ODF2: variants seen among roughly 807,000 people sequenced by gnomAD.
ODF2 encodes the protein outer dense fiber of sperm tails 2.
Under a neutral mutation model 110.2 loss-of-function variants are expected in ODF2, and 47 were observed. That is an observed-to-expected ratio of 0.43 (90% CI 0.34 to 0.54). The LOEUF (loss-of-function observed/expected upper bound fraction) is 0.54. Ranked by LOEUF, ODF2 falls within the 20% of genes least tolerant of loss-of-function variation. The pLI, the probability that ODF2 is intolerant of heterozygous loss-of-function variation, is 0.03. For synonymous variants in ODF2, 352 were observed against 397.7 expected, an observed-to-expected ratio of 0.89 and a Z score of 1.37; for missense variants, 812 against 1,054.5, an observed-to-expected ratio of 0.77 and a Z score of 3.19.
At chr9:128,470,693 C>T (rs1839773472) in intron 5 of ODF2, among the ~76,000 whole-genome samples, 1 of 151,936 alleles carries the variant, frequency 6.6e-6, no homozygotes, top group Admixed American at 6.6e-5. Context: ...GACATCTCTC[C>T]TCCTATGGTG....
chr9:128,491,796 C>G (rs192724273), intron 14 of ODF2, among the ~76,000 whole-genome samples: 12 of 151,756 alleles, frequency 7.9e-5, no homozygotes, highest in Admixed American at 7.9e-4. Context: ...AGTTATGCAG[C>G]TATAGATATA....
intron 18 of ODF2, chr9:128,497,462 T>C (rs1420417869): frequency 1.1e-5 from 1 of 93,074 alleles, no homozygotes; most frequent in African/African-American, 4.5e-5. Context: ...TATATATATA[T>C]ATATATATAT....
intron 7 of ODF2, 188 bp from the exon 8 acceptor site, chr9:128,473,422 C>A: frequency 3.0e-6 from 2 of 665,432 alleles, no homozygotes; most frequent in Non-Finnish European, 3.7e-6. Context: ...TTGCTCGGAG[C>A]AGACTTAGCT....
intron 14 of ODF2, among the ~76,000 whole-genome samples, chr9:128,490,511 CT>C (rs1331449702): frequency 6.6e-6 from 1 of 152,194 alleles, no homozygotes; most frequent in Non-Finnish European, 1.5e-5. Flanking sequence ...TCTCGAACTT[CT>C]GACCTCAGGT....
At chr9:128,456,558 G>C (rs1362541934) in intron 1 of ODF2, 2 of 1,527,104 alleles carry the variant, frequency 1.3e-6, no homozygotes, top group South Asian at 2.4e-5. Context: ...GGCAGAAACC[G>C]GTACCCTCCT....
intron 7 of ODF2, 105 bp from the exon 8 acceptor site, chr9:128,473,505 G>T: frequency 6.5e-7 from 1 of 1,538,250 alleles, no homozygotes. Context: ...ACACAGCCTG[G>T]TTCTCCTTGT....
rs78404339 is a variant in ODF2, at chr9:128,468,926, C to T, written c.250-257C>T. ...CCAATATACTGGTTTTACAGGGTAT[C>T]CAGCCTATGTTCTTTATTTTAAACT... On this transcript the variant is annotated intron_variant, in intron 4 of 20. Coordinates refer to ENST00000604420, the Ensembl canonical transcript of ODF2. 887 of 438,740 alleles carry T rather than the reference C, an allele frequency of 2.0e-3. 7 individuals carry two copies. Among genetic ancestry groups the T allele is most frequent in the African/African-American group, 0.016 (810 of 49,154 alleles). The allele number at this position is 438,740 out of a possible 1,614,324, so 27.2% of individuals were successfully genotyped here. A position where few individuals can be genotyped will look rare whatever the true frequency, so the allele number is the denominator to read the frequency against.
intron 8 of ODF2, among the ~76,000 whole-genome samples, chr9:128,479,313 CAA>C (rs1269350788): frequency 6.6e-6 from 1 of 152,158 alleles, no homozygotes; most frequent in African/African-American, 2.4e-5. Context: ...GGGACAGTCA[CAA>C]AGACATAGCC....
chr9:128,494,766 T>C lies in ODF2; in HGVS notation c.1911+98T>C. On this transcript the variant is annotated intron_variant, in intron 17 of 20. Coordinates refer to ENST00000604420, the Ensembl canonical transcript of ODF2. The surrounding 1 kb of genome is among the most constrained non-coding windows in gnomAD (Gnocchi z 4.6). Reference sequence around the variant, plus strand: ...CCCCCAAGGGAGGACTACTTCCTTTTTCTTGGCTGCTGCTTTTTAAAAGGA... The same window carrying C: ...CCCCCAAGGGAGGACTACTTCCTTTCTCTTGGCTGCTGCTTTTTAAAAGGA... The C allele has an allele frequency of 6.2e-7, 1 of 1,607,416 alleles. No homozygotes were observed. The highest frequency in any genetic ancestry group is 8.5e-7 in the Non-Finnish European group (1 of 1,177,172).
At chr9:128,489,331 TC>T (rs1426380760) in intron 14 of ODF2, among the ~76,000 whole-genome samples, 45 of 152,320 alleles carry the variant, frequency 3.0e-4, no homozygotes, top group Admixed American at 2.6e-3. Context: ...AGTACACAGA[TC>T]CTAGAATTTT....
Position 128,485,563 on chromosome 9 carries a change from C to T in ODF2, c.1400+89C>T, listed in dbSNP as rs924520621. On this transcript the variant is annotated intron_variant, in intron 13 of 20. Coordinates refer to ENST00000604420, the Ensembl canonical transcript of ODF2. The surrounding 1 kb of genome is among the most constrained non-coding windows in gnomAD (Gnocchi z 5.0). ...GGGCCTAGTGGCTCAGGGAAGGCCA[C>T]GTGGCTGCTGTTTGTACTCTCCGGG... 62 of 705,042 alleles carry T rather than the reference C, an allele frequency of 8.8e-5. No homozygotes were observed. The highest frequency in any genetic ancestry group is 3.7e-4 in the East Asian group (14 of 37,440). 43.7% of individuals were successfully genotyped at this position (705,042 alleles called of 1,614,324 possible). A position where few individuals can be genotyped will look rare whatever the true frequency, so the allele number is the denominator to read the frequency against.
intron 4 of ODF2, among the ~76,000 whole-genome samples, chr9:128,464,582 C>G (rs1489232533): frequency 2.6e-5 from 4 of 152,036 alleles, no homozygotes; most frequent in South Asian, 4.2e-4. Flanking sequence ...TCACTGCAAC[C>G]TCCACCTCCC....
chr9:128,462,534 A>G (rs1188510923), intron 4 of ODF2, among the ~76,000 whole-genome samples: 1 of 151,970 alleles, frequency 6.6e-6, no homozygotes, highest in Non-Finnish European at 1.5e-5. Flanking sequence ...CTAAACATTG[A>G]TTCTGTAATT....
Position 128,494,780 on chromosome 9 carries a change from T to G in ODF2, c.1911+112T>G, listed in dbSNP as rs1260561686. ...CTACTTCCTTTTTCTTGGCTGCTGC[T>G]TTTTAAAAGGAGTGAGCTATCATCA... is the stretch of plus-strand genomic sequence containing the variant. On this transcript the variant is annotated intron_variant, in intron 17 of 20. Coordinates refer to ENST00000604420, the Ensembl canonical transcript of ODF2. The surrounding 1 kb of genome is among the most constrained non-coding windows in gnomAD (Gnocchi z 4.6). The G allele has an allele frequency of 6.3e-7, 1 of 1,597,208 alleles. No homozygotes were observed. The highest frequency in any genetic ancestry group is 1.1e-5 in the South Asian group (1 of 89,460).
In ODF2 at chr9:128,495,225, G is replaced by A. The variant is rs536232276; in HGVS notation, c.1911+557G>A. 1.0e-3 allele frequency among the ~76,000 whole-genome samples: 153 copies of A among 152,338 alleles called. 1 individual carries two copies. Among genetic ancestry groups the A allele is most frequent in the African/African-American group, 3.2e-3 (133 of 41,570 alleles). ...GCAAGGCCCCTTTCCCACTCTTGAC[G>A]TGTGTACTTGTGATAATTAGAAAAG... On this transcript the variant is annotated intron_variant, in intron 17 of 20. Transcript: ENST00000604420.
chr9:128,457,447 A>G (rs1835192241), intron 2 of ODF2: 2 of 1,608,050 alleles, frequency 1.2e-6, no homozygotes, highest in Admixed American at 3.4e-5. Flanking sequence ...GGTATTGCCG[A>G]TGTGGGAGGC....
At chr9:128,465,739 C>CAA (rs34262754) in intron 4 of ODF2, among the ~76,000 whole-genome samples, 5 of 70,440 alleles carry the variant, frequency 7.1e-5, no homozygotes, top group Non-Finnish European at 9.6e-5. Context: ...GACTCCGTCT[C>CAA]AAAAAAAAAA....
At chr9:128,473,191 ACT>A in intron 7 of ODF2, 149 bp downstream of exon 7, 1 of 1,459,252 alleles carries the variant, frequency 6.9e-7, no homozygotes, top group African/African-American at 1.4e-5. Context: ...CCCACCCACC[ACT>A]CTCACTTCCC....
At chr9:128,460,415 A>C in intron 3 of ODF2, 135 bp from the exon 3 acceptor site, 1 of 1,465,038 alleles carries the variant, frequency 6.8e-7, no homozygotes, top group Non-Finnish European at 9.1e-7. Flanking sequence ...CCTGCATGCC[A>C]GTAGTTGGTA....
Sources: gnomAD v4.1 joint callset for allele counts (sites outside exome capture counted in the v4.1 genomes callset) on GRCh38, gnomAD v4.1.1 for gene constraint, Gnocchi (gnomAD v3.1) non-coding constraint, MANE v1.5 for transcripts, NCBI Gene and HGNC (gene_info 2026-07-23, HGNC 2026-07-21) for gene names.